Variants in UBE2R2 observed in about 807,000 individuals in gnomAD.
UBE2R2 encodes the protein ubiquitin-conjugating enzyme E2 R2.
A neutral mutation model predicts 27.8 loss-of-function variants in UBE2R2; 1 was observed. The ratio of observed to expected loss-of-function variants is 0.04; its 90% CI spans 0.01 to 0.17. The LOEUF (loss-of-function observed/expected upper bound fraction) is 0.17. Among genes scored for constraint, UBE2R2 ranks in the 10% least tolerant of loss-of-function variants. The pLI is 1.00. For synonymous variants in UBE2R2, 106 were observed against 113.3 expected (o/e 0.94, Z 0.41); for missense variants, 100 against 291.0 (o/e 0.34, Z 4.78).
At chr9:33,831,891 A>G (rs1820492923) in intron 1 of UBE2R2, among the ~76,000 whole-genome samples, 1 of 151,470 alleles carries the variant, frequency 6.6e-6, no homozygotes, top group Non-Finnish European at 1.5e-5. Flanking sequence ...AAACTCCCGA[A>G]CTCAGGTGAT....
At chr9:33,893,626 TTTTATTTA>T (rs937199629) in intron 2 of UBE2R2, among the ~76,000 whole-genome samples, 3 of 152,016 alleles carry the variant, frequency 2.0e-5, no homozygotes, top group Non-Finnish European at 2.9e-5. Flanking sequence ...ATGTTTAACT[TTTTATTTA>T]TTTATTTATT....
intron 1 of UBE2R2, among the ~76,000 whole-genome samples, chr9:33,851,212 G>T (rs543815787): frequency 6.7e-6 from 1 of 149,572 alleles, no homozygotes; most frequent in Admixed American, 6.6e-5. Context: ...CAAATTCAAA[G>T]AACTATTTTC....
chr9:33,855,703 T>G lies in UBE2R2; in HGVS notation c.178-31178T>G, dbSNP rs563378394. ...AGGAGACCTTCTTTTAAAATTATAATCTACCAGCCAGGAAACTTGTAAGAG... is the reference window on the plus strand; with the variant it reads ...AGGAGACCTTCTTTTAAAATTATAAGCTACCAGCCAGGAAACTTGTAAGAG... On this transcript the variant is annotated intron_variant, in intron 1 of 4. Transcript: ENST00000263228. Among the ~76,000 whole-genome samples the G allele has an allele frequency of 2.0e-5, 3 of 152,278 alleles. 1 individual carries two copies. In the South Asian group the frequency reaches 6.2e-4, roughly 32 times the overall value.
rs1820867280 is a variant in UBE2R2, at chr9:33,847,280, G to A, written c.177+29346G>A. On this transcript the variant is annotated intron_variant, in intron 1 of 4. Coordinates refer to ENST00000263228, the MANE Select transcript of UBE2R2 (RefSeq NM_017811.4). ...CCCGGCTAATTTTTGTATTTTTAGT[G>A]GAGGTGGGGTTTCAGCATGTTGGCC... Among the ~76,000 whole-genome samples, 4 of 151,788 alleles carry A rather than the reference G, an allele frequency of 2.6e-5. No homozygotes were observed. In the South Asian group the frequency reaches 8.3e-4, roughly 32 times the overall value.
At chr9:33,837,264 G>A (rs1483154099) in intron 1 of UBE2R2, among the ~76,000 whole-genome samples, 1 of 151,718 alleles carries the variant, frequency 6.6e-6, no homozygotes, top group Admixed American at 6.6e-5. Flanking sequence ...TGTGGCTTAG[G>A]CTGGAGTGCA....
At position 33,883,713 on chromosome 9, in the gene UBE2R2, C is replaced by CAA. The variant is rs1158414910; in HGVS notation, c.178-3151_178-3150dup. On this transcript the variant is annotated intron_variant, in intron 1 of 4. Coordinates refer to ENST00000263228, the MANE Select transcript of UBE2R2 (RefSeq NM_017811.4). ...CTGGTGACAGAGCAAGACTCTGTCTCAAAAAAAAAAAAAAAAAAGAAATAA... is the reference window on the plus strand; with the variant it reads ...CTGGTGACAGAGCAAGACTCTGTCTCAAAAAAAAAAAAAAAAAAAAGAAATAA... Among the ~76,000 whole-genome samples the CAA allele has an allele frequency of 1.9e-3, 139 of 75,082 alleles. 1 individual carries two copies. The highest frequency in any genetic ancestry group is 0.011 in the East Asian group (24 of 2,240). 49.3% of individuals were successfully genotyped at this position (75,082 alleles called of 152,430 possible). A position where few individuals can be genotyped will look rare whatever the true frequency, so the allele number is the denominator to read the frequency against.
At chr9:33,907,112 A>G (rs886811154) in intron 3 of UBE2R2, among the ~76,000 whole-genome samples, 4 of 152,216 alleles carry the variant, frequency 2.6e-5, no homozygotes, top group African/African-American at 7.2e-5. Context: ...TATATTATAT[A>G]TGATGTGTTG....
intron 3 of UBE2R2, among the ~76,000 whole-genome samples, chr9:33,911,265 G>A (rs1409095357): frequency 6.6e-6 from 1 of 151,502 alleles, no homozygotes; most frequent in African/African-American, 2.4e-5. Context: ...AAAATTAGCA[G>A]GGCATGGTGG....
chr9:33,877,823 G>GTCTCTCTCTCTCTC lies in UBE2R2; in HGVS notation c.178-9045_178-9032dup, dbSNP rs1554675184. On this transcript the variant is annotated intron_variant, in intron 1 of 4. Transcript: ENST00000263228. ...TCTCTGTCTGTCTGTCTGTCTGTCT[G>GTCTCTCTCTCTCTC]TCTCTCTCTCTCTCTCTCTCTCTCT... is the stretch of plus-strand genomic sequence containing the variant. 2.5e-3 allele frequency among the ~76,000 whole-genome samples: 331 copies of GTCTCTCTCTCTCTC among 131,116 alleles called. 5 individuals carry two copies. Among genetic ancestry groups the GTCTCTCTCTCTCTC allele is most frequent in the Middle Eastern group, 7.4e-3 (2 of 270 alleles). The allele number at this position is 131,116 out of a possible 152,430, so 86.0% of individuals were successfully genotyped here.
chr9:33,843,149 A>G (rs752567713), intron 1 of UBE2R2, among the ~76,000 whole-genome samples: 1 of 144,734 alleles, frequency 6.9e-6, no homozygotes, highest in Non-Finnish European at 1.5e-5. Flanking sequence ...CTGGGGGTGA[A>G]GCGATTCTTC....
At chr9:33,824,659 C>T (rs112666603) in intron 1 of UBE2R2, among the ~76,000 whole-genome samples, 12 of 149,696 alleles carry the variant, frequency 8.0e-5, no homozygotes, top group African/African-American at 2.5e-4. Flanking sequence ...AAAAAATTAG[C>T]GGGTGTGATG....
chr9:33,829,543 AAAGTTGAT>A (rs1426307179), intron 1 of UBE2R2, among the ~76,000 whole-genome samples: 1 of 152,200 alleles, frequency 6.6e-6, no homozygotes, highest in Non-Finnish European at 1.5e-5. Flanking sequence ...GTTTTTATAA[AAAGTTGAT>A]TTTGGGATGA....
upstream of UBE2R2, among the ~76,000 whole-genome samples, chr9:33,816,760 G>A (rs1303481470): frequency 6.6e-6 from 1 of 152,232 alleles, no homozygotes; most frequent in Non-Finnish European, 1.5e-5. Context: ...CCCGTCCCAG[G>A]ATGGCTGCGG....
chr9:33,873,489 G>A (rs544513321), intron 1 of UBE2R2, among the ~76,000 whole-genome samples: 2 of 152,268 alleles, frequency 1.3e-5, no homozygotes, highest in East Asian at 3.9e-4. Context: ...TTATGTATAT[G>A]CACTGTATAA....
intron 4 of UBE2R2, among the ~76,000 whole-genome samples, chr9:33,915,129 CAA>C (rs552572059): frequency 4.8e-4 from 52 of 107,302 alleles, no homozygotes; most frequent in African/African-American, 4.8e-4. Flanking sequence ...GACCTTGTCT[CAA>C]AAAAAAAAAA....
At chr9:33,830,462 A>G (rs747363462) in intron 1 of UBE2R2, among the ~76,000 whole-genome samples, 41 of 148,508 alleles carry the variant, frequency 2.8e-4, no homozygotes, top group Non-Finnish European at 4.9e-4. Context: ...CGGCCTCATA[A>G]TTCTTTAGAT....
intron 1 of UBE2R2, among the ~76,000 whole-genome samples, chr9:33,861,418 A>G (rs1213787897): frequency 6.6e-6 from 1 of 152,040 alleles, no homozygotes; most frequent in African/African-American, 2.4e-5. Context: ...AAAAATAGAA[A>G]ATACAAAAAT....
chr9:33,915,732 A>G (rs555616144), intron 4 of UBE2R2, among the ~76,000 whole-genome samples: 4 of 152,200 alleles, frequency 2.6e-5, no homozygotes, highest in Non-Finnish European at 4.4e-5. Context: ...AATGGGACTA[A>G]GAAAGACATT....
chr9:33,816,880 G>C (rs1476868171), upstream of UBE2R2, among the ~76,000 whole-genome samples: 1 of 152,240 alleles, frequency 6.6e-6, no homozygotes, highest in Non-Finnish European at 1.5e-5. Flanking sequence ...GTCACTCTGG[G>C]GCCACGGCAA....
Sources: gnomAD v4.1 joint callset for allele counts (sites outside exome capture counted in the v4.1 genomes callset) on GRCh38, gnomAD v4.1.1 for gene constraint, MANE v1.5 for transcripts, NCBI Gene and HGNC (gene_info 2026-07-23, HGNC 2026-07-21) for gene names.